GPC5: variants seen among roughly 807,000 people sequenced by gnomAD.
GPC5 encodes the protein glypican-5.
Under a neutral mutation model 53.9 loss-of-function variants are expected in GPC5, and 47 were observed. That is an observed-to-expected ratio of 0.87 (90% CI 0.69 to 1.11). The LOEUF is 1.11. GPC5 is among the 50% of genes most tolerant of loss of function. GPC5 has a pLI of 0.00. For synonymous variants in GPC5, 286 were observed against 263.3 expected (o/e 1.09, Z -0.84); for missense variants, 748 against 713.1 (o/e 1.05, Z -0.56).
chr13:91,849,805 T>A (rs1276943336), intron 5 of GPC5, among the ~76,000 whole-genome samples: 1 of 152,058 alleles, frequency 6.6e-6, no homozygotes, highest in African/African-American at 2.4e-5. Flanking sequence ...CAGAAAAGAG[T>A]GGTCATTTTT....
intron 2 of GPC5, among the ~76,000 whole-genome samples, chr13:91,567,522 C>T (rs1286510798): frequency 1.3e-5 from 2 of 152,154 alleles, no homozygotes; most frequent in Non-Finnish European, 2.9e-5. Context: ...GTATGCCAAG[C>T]TCAGGAGAGG....
At chr13:92,731,027 T>A (rs1157697814) in intron 7 of GPC5, among the ~76,000 whole-genome samples, 1 of 151,456 alleles carries the variant, frequency 6.6e-6, no homozygotes, top group Non-Finnish European at 1.5e-5. Flanking sequence ...ATTCTACATA[T>A]GCCCACTGAA....
intron 7 of GPC5, among the ~76,000 whole-genome samples, chr13:92,524,121 T>C (rs1881180648): frequency 6.6e-6 from 1 of 152,082 alleles, no homozygotes; most frequent in Non-Finnish European, 1.5e-5. Flanking sequence ...TGATGCTTCC[T>C]TTCATGAAAG....
At chr13:91,942,056 G>T (rs1026949108) in intron 6 of GPC5, among the ~76,000 whole-genome samples, 4 of 151,974 alleles carry the variant, frequency 2.6e-5, no homozygotes, top group Admixed American at 6.6e-5. Context: ...TTTTTTTGGT[G>T]ATAAGAACAT....
intron 7 of GPC5, among the ~76,000 whole-genome samples, chr13:92,486,032 C>T (rs1189332246): frequency 6.6e-6 from 1 of 152,164 alleles, no homozygotes; most frequent in Non-Finnish European, 1.5e-5. Flanking sequence ...AGCTATGGAT[C>T]GTTCAGGCTG....
chr13:91,433,388 C>T (rs1416238761), intron 1 of GPC5, among the ~76,000 whole-genome samples: 2 of 143,324 alleles, frequency 1.4e-5, no homozygotes, highest in African/African-American at 5.1e-5. Context: ...GTGTGATGTT[C>T]CCCTTCCTGT....
At chr13:92,452,642 A>G (rs1878110630) in intron 7 of GPC5, among the ~76,000 whole-genome samples, 1 of 151,996 alleles carries the variant, frequency 6.6e-6, no homozygotes, top group Non-Finnish European at 1.5e-5. Flanking sequence ...ATCTCAGCTC[A>G]CTGCAACCTC....
At chr13:92,205,807 G>C (rs895756105) in intron 7 of GPC5, among the ~76,000 whole-genome samples, 6 of 152,094 alleles carry the variant, frequency 3.9e-5, no homozygotes, top group Admixed American at 2.6e-4. Flanking sequence ...AGCACTTTCG[G>C]AGGCCCAGGC....
chr13:92,764,246 C>T (rs1427220858), intron 7 of GPC5, among the ~76,000 whole-genome samples: 1 of 152,210 alleles, frequency 6.6e-6, no homozygotes, highest in Non-Finnish European at 1.5e-5. Flanking sequence ...TAGTAGCAGA[C>T]TGGCTTAGTG....
At chr13:92,340,088 A>T (rs1052570224) in intron 7 of GPC5, 4 of 152,174 alleles carry the variant, frequency 2.6e-5, no homozygotes, top group Non-Finnish European at 5.9e-5. Context: ...ACTAAAATTA[A>T]TACTGCCTTA....
intron 6 of GPC5, among the ~76,000 whole-genome samples, chr13:91,987,757 A>T (rs1294442637): frequency 6.9e-6 from 1 of 145,770 alleles, no homozygotes; most frequent in Non-Finnish European, 1.5e-5. Flanking sequence ...TATTTATATT[A>T]TATTATGTAT....
At chr13:91,636,568 T>C (rs755231547) in intron 2 of GPC5, among the ~76,000 whole-genome samples, 1 of 152,112 alleles carries the variant, frequency 6.6e-6, no homozygotes, top group Non-Finnish European at 1.5e-5. Flanking sequence ...CATGGATAAA[T>C]AAGAATAATT....
At chr13:92,620,904 A>G (rs1407565828) in intron 7 of GPC5, among the ~76,000 whole-genome samples, 3 of 152,358 alleles carry the variant, frequency 2.0e-5, no homozygotes, top group African/African-American at 7.2e-5. Flanking sequence ...GGTAAATAGT[A>G]TAGCTGTCTT....
chr13:92,466,838 C>T (rs1160071770), intron 7 of GPC5, among the ~76,000 whole-genome samples: 3 of 152,028 alleles, frequency 2.0e-5, no homozygotes, highest in African/African-American at 7.2e-5. Flanking sequence ...GACATAAAAA[C>T]GTTGAGTGAA....
At chr13:92,322,283 A>C (rs74938672) in intron 7 of GPC5, among the ~76,000 whole-genome samples, 1 of 152,194 alleles carries the variant, frequency 6.6e-6, no homozygotes, top group African/African-American at 2.4e-5. Flanking sequence ...GGAAAAAAAA[A>C]AGTTCACAAA....
At chr13:92,328,489 G>A (rs370732683) in intron 7 of GPC5, among the ~76,000 whole-genome samples, 5 of 152,140 alleles carry the variant, frequency 3.3e-5, no homozygotes, top group African/African-American at 9.7e-5. Context: ...GGTCTTAGAC[G>A]TAGAGGAATA....
chr13:92,360,044 A>G (rs1276965350), intron 7 of GPC5, among the ~76,000 whole-genome samples: 2 of 151,542 alleles, frequency 1.3e-5, no homozygotes, highest in Non-Finnish European at 2.9e-5. Flanking sequence ...CTCTGTTGAT[A>G]TTTCCTTTTG....
chr13:91,494,164 A>G (rs1374731342), intron 2 of GPC5, among the ~76,000 whole-genome samples: 1 of 151,846 alleles, frequency 6.6e-6, no homozygotes, highest in Non-Finnish European at 1.5e-5. Flanking sequence ...TGCTGAGATT[A>G]CAGGCATGAG....
chr13:92,471,388 G>A (rs888043683), intron 7 of GPC5, among the ~76,000 whole-genome samples: 1 of 152,080 alleles, frequency 6.6e-6, no homozygotes, highest in Non-Finnish European at 1.5e-5. Context: ...GCAGATGGAT[G>A]TGGCCAATAC....
Sources: gnomAD v4.1 joint callset for allele counts (sites outside exome capture counted in the v4.1 genomes callset) on GRCh38, gnomAD v4.1.1 for gene constraint, MANE v1.5 for transcripts, NCBI Gene and HGNC (gene_info 2026-07-23, HGNC 2026-07-21) for gene names.